The following R3HCC1L variants were observed in gnomAD, a reference collection of about 807,000 sequenced individuals.
R3HCC1L encodes the protein R3H domain and coiled-coil containing 1 like.
R3HCC1L carries 51 observed loss-of-function variants against 59.9 expected under a neutral mutation model. The ratio of observed to expected loss-of-function variants is 0.85; its 90% CI spans 0.68 to 1.07. R3HCC1L has a LOEUF of 1.07. R3HCC1L is among the 50% of genes least tolerant of loss of function. R3HCC1L has a pLI of 0.00. For synonymous variants in R3HCC1L, 322 were observed against 315.2 expected (o/e 1.02, Z -0.23); for missense variants, 965 against 933.0 (o/e 1.03, Z -0.45).
chr10:98,208,660 T>C lies in R3HCC1L; in HGVS notation c.546T>C (p.Asn182=). 6.2e-7 allele frequency: 1 copy of C among 1,614,104 alleles called. No individual in the cohort carries two copies. The highest frequency in any genetic ancestry group is 1.1e-5 in the South Asian group (1 of 91,076). The change falls in exon 5 of 10, where the codon AAT becomes AAC. Residue 182 remains asparagine (N), a synonymous_variant. Transcript: ENST00000298999. ...AAGTTCCAAGCAAACCATTCCAAAA[T>C]GTGGAATTCTGTGACTTCAGTAGGC... ...EAQVPSKPFQ[N]VEFCDFSRHE...
At chr10:98,212,329 A>G (rs1226699561) in intron 5 of R3HCC1L, among the ~76,000 whole-genome samples, 1 of 152,166 alleles carries the variant, frequency 6.6e-6, no homozygotes, top group African/African-American at 2.4e-5. Flanking sequence ...GTTTTTGGCT[A>G]TCATCCCAGC....
chr10:98,208,897 C>G lies in R3HCC1L; in HGVS notation c.783C>G (p.Ser261Arg), dbSNP rs772469875. 6.2e-7 allele frequency: 1 copy of G among 1,614,092 alleles called. No individual in the cohort carries two copies. Among genetic ancestry groups the G allele is most frequent in the Non-Finnish European group, 8.5e-7 (1 of 1,180,006 alleles). ...CAGATGGAATATTGAATCCCAGCAG[C>G]GGAGGCATCACCACTACTTCTGTTC... Reference protein sequence around the residue: ...QTSDGILNPSSGGITTTSVPG... With the variant: ...QTSDGILNPSRGGITTTSVPG... The change falls in exon 5 of 10, where the codon AGC becomes AGG. Residue 261 changes from serine to arginine, a missense_variant. Coordinates refer to ENST00000298999, the MANE Select transcript of R3HCC1L (RefSeq NM_001351015.2).
chr10:98,150,916 G>T (rs1846090606), intron 1 of R3HCC1L, among the ~76,000 whole-genome samples: 1 of 152,180 alleles, frequency 6.6e-6, no homozygotes, highest in African/African-American at 2.4e-5. Context: ...GAGATCCTAC[G>T]ATGGTGGGAA....
At position 98,208,700 on chromosome 10, in the gene R3HCC1L, G is replaced by C. The variant is rs199555861; in HGVS notation, c.586G>C (p.Glu196Gln). 3.5e-5 allele frequency: 57 copies of C among 1,613,976 alleles called. No individual in the cohort carries two copies. Among genetic ancestry groups the C allele is most frequent in the Admixed American group, 1.5e-4 (9 of 59,978 alleles). The change falls in exon 5 of 10, where the codon GAA (glutamate) becomes CAA (glutamine). Residue 196 changes from glutamate (E) to glutamine (Q), a missense_variant. By Grantham distance (29) the Glu-to-Gln change is conservative. Transcript: ENST00000298999. ...CTTCAGTAGGCATGAACCTGATGGG[G>C]AAGCATTTGAAGACAAAGATTTGGA... Reference protein sequence around the residue: ...CDFSRHEPDGEAFEDKDLEGR... With the variant: ...CDFSRHEPDGQAFEDKDLEGR...
chr10:98,149,502 C>T (rs759147670), intron 1 of R3HCC1L, among the ~76,000 whole-genome samples: 43 of 151,998 alleles, frequency 2.8e-4, no homozygotes, highest in Non-Finnish European at 5.1e-4. Flanking sequence ...TCCCTCTTAC[C>T]GCTGCTTTTG....
intron 4 of R3HCC1L, among the ~76,000 whole-genome samples, chr10:98,168,169 T>C (rs1363724386): frequency 6.6e-6 from 1 of 152,210 alleles, no homozygotes. Context: ...CAGTTACATA[T>C]GCAGAGTAGG....
chr10:98,241,366 A>G (rs1857515335), intron 9 of R3HCC1L, among the ~76,000 whole-genome samples: 1 of 152,008 alleles, frequency 6.6e-6, no homozygotes, highest in African/African-American at 2.4e-5. Context: ...ACAATCTTCA[A>G]CGCTTTACAT....
chr10:98,220,455 T>C (rs1854771352), intron 5 of R3HCC1L, among the ~76,000 whole-genome samples: 1 of 149,798 alleles, frequency 6.7e-6, no homozygotes, highest in South Asian at 2.2e-4. Flanking sequence ...TACATATGTA[T>C]ACATATGCCA....
chr10:98,225,269 ACT>A (rs1221853695), intron 5 of R3HCC1L, among the ~76,000 whole-genome samples: 1 of 151,902 alleles, frequency 6.6e-6, no homozygotes, highest in African/African-American at 2.4e-5. Context: ...ATGTCTCATC[ACT>A]CTGTGTCAGT....
intron 4 of R3HCC1L, among the ~76,000 whole-genome samples, chr10:98,164,133 T>G (rs1196814663): frequency 8.5e-5 from 13 of 152,144 alleles, no homozygotes; most frequent in Admixed American, 8.5e-4. Flanking sequence ...ACAGCAACCG[T>G]CAGAAGATAA....
At chr10:98,207,558 T>C (rs1237359802) in intron 4 of R3HCC1L, among the ~76,000 whole-genome samples, 2 of 152,236 alleles carry the variant, frequency 1.3e-5, no homozygotes, top group African/African-American at 4.8e-5. Flanking sequence ...CACTACTTTC[T>C]CTTTTCTAAG....
chr10:98,222,043 T>C (rs1261305576), intron 5 of R3HCC1L, among the ~76,000 whole-genome samples: 2 of 152,076 alleles, frequency 1.3e-5, no homozygotes, highest in African/African-American at 2.4e-5. Context: ...TTTGTATCCT[T>C]TTTTATTTCC....
intron 1 of R3HCC1L, among the ~76,000 whole-genome samples, chr10:98,137,632 T>G (rs751107673): frequency 6.6e-6 from 1 of 152,230 alleles, no homozygotes; most frequent in Non-Finnish European, 1.5e-5. Flanking sequence ...TATTAGATTT[T>G]TTTTCAACTT....
At chr10:98,167,089 T>C (rs1178024997) in intron 4 of R3HCC1L, among the ~76,000 whole-genome samples, 1 of 152,166 alleles carries the variant, frequency 6.6e-6, no homozygotes, top group Admixed American at 6.6e-5. Flanking sequence ...TTAACAATTA[T>C]CTTTCTCTTT....
intron 2 of R3HCC1L, among the ~76,000 whole-genome samples, chr10:98,162,184 A>C (rs551933273): frequency 6.6e-6 from 1 of 152,010 alleles, no homozygotes; most frequent in Non-Finnish European, 1.5e-5. Context: ...TGGATGTACC[A>C]TAATTTATTT....
intron 2 of R3HCC1L, among the ~76,000 whole-genome samples, chr10:98,159,551 T>G (rs995217420): frequency 6.6e-6 from 1 of 152,256 alleles, no homozygotes; most frequent in Non-Finnish European, 1.5e-5. Context: ...TTGTTACTCC[T>G]TGAACTTTTG....
chr10:98,232,145 T>C (rs1380145767), intron 6 of R3HCC1L, among the ~76,000 whole-genome samples: 1 of 152,076 alleles, frequency 6.6e-6, no homozygotes, highest in Non-Finnish European at 1.5e-5. Flanking sequence ...TGTGTCACCA[T>C]GCCTGGCTAA....
chr10:98,227,516 A>G (rs2135555806), intron 5 of R3HCC1L, among the ~76,000 whole-genome samples: 1 of 151,902 alleles, frequency 6.6e-6, no homozygotes, highest in Non-Finnish European at 1.5e-5. Flanking sequence ...TAACAGAGAG[A>G]GAGAGAGAGA....
At chr10:98,184,040 CTTTGT>C (rs766271427) in intron 4 of R3HCC1L, among the ~76,000 whole-genome samples, 173 of 145,000 alleles carry the variant, frequency 1.2e-3, no homozygotes, top group Middle Eastern at 7.4e-3. Flanking sequence ...AATGGACATG[CTTTGT>C]CTTTTCCTGA....
Sources: gnomAD v4.1 joint callset for allele counts (sites outside exome capture counted in the v4.1 genomes callset) on GRCh38, gnomAD v4.1.1 for gene constraint, MANE v1.5 for transcripts, NCBI Gene and HGNC (gene_info 2026-07-23, HGNC 2026-07-21) for gene names.